The following TG variants were observed in gnomAD, a reference collection of about 807,000 sequenced individuals.
TG encodes the protein thyroglobulin, also known as thyroid hormones.
TG carries 270 observed loss-of-function variants against 324.7 expected under a neutral mutation model. The observed-to-expected ratio is 0.83, with a 90% CI of 0.75 to 0.92. TG has a LOEUF of 0.92. Among genes scored for constraint, TG ranks in the 40% least tolerant of loss-of-function variants. The probability of loss-of-function intolerance (pLI) is 0.00; values close to 1 mark genes in which losing one functional copy is unlikely to be tolerated. For synonymous variants in TG, 1,401 were observed against 1,327.0 expected, an observed-to-expected ratio of 1.06 and a Z score of -1.21; for missense variants, 3,591 against 3,456.4, an observed-to-expected ratio of 1.04 and a Z score of -0.98.
chr8:132,958,357 GTCTATCTATCTATCTA>G lies in TG; in HGVS notation c.5402-2631_5402-2616del, dbSNP rs34949600. 2.4e-3 allele frequency among the ~76,000 whole-genome samples: 361 copies of G among 151,332 alleles called. 1 individual carries two copies. The highest frequency in any genetic ancestry group is 6.8e-3 in the African/African-American group (280 of 41,162). On this transcript the variant is annotated intron_variant, in intron 27 of 47. Transcript: ENST00000220616. ...ATATGGCATATCTATCTATCTATCT[GTCTATCTATCTATCTA>G]TCTATCTATCTATCTATCTTTAAAG... is the stretch of plus-strand genomic sequence containing the variant.
chr8:133,082,731 C>T (rs747482175), intron 41 of TG, among the ~76,000 whole-genome samples: 19 of 152,322 alleles, frequency 1.2e-4, no homozygotes, highest in African/African-American at 3.4e-4. Context: ...CACAAAATGA[C>T]GGTAGGATCT....
intron 41 of TG, among the ~76,000 whole-genome samples, chr8:133,043,941 C>T (rs999416590): frequency 1.3e-5 from 2 of 152,190 alleles, no homozygotes; most frequent in African/African-American, 2.4e-5. Context: ...CAATGTTCCG[C>T]TGGGTAAAAG....
rs1475559081 is a variant in TG at position 133,022,076 on chromosome 8, T to C, written c.6962T>C (p.Phe2321Ser). 6.2e-7 allele frequency: 1 copy of C among 1,614,136 alleles called. No individual in the cohort carries two copies. Among genetic ancestry groups the C allele is most frequent in the Non-Finnish European group, 8.5e-7 (1 of 1,180,026 alleles). ...SEGWPAIDGS[F>S]LAAVGNLIVV... ...GGATGGCCGGCTATCGACGGCTCCT[T>C]CTTGGCTGCTGTTGGCAACCTCATC... The change falls in exon 40 of 48, where the codon TTC (phenylalanine) becomes TCC (serine). Residue 2321 changes from phenylalanine to serine, a missense_variant. By Grantham distance (155) the Phe-to-Ser change is radical. Transcript: ENST00000220616.
In TG at chr8:133,023,475, G is replaced by A. The variant is rs115354059; in HGVS notation, c.7036+1325G>A. On this transcript the variant is annotated intron_variant, in intron 40 of 47. Coordinates refer to ENST00000220616, the MANE Select transcript of TG (RefSeq NM_003235.5). ...CCCCACCCTCTTTCACATATATGTC[G>A]TGGTAAGAAGTGAATATGGTAACTG... 3.7e-3 allele frequency among the ~76,000 whole-genome samples: 561 copies of A among 152,218 alleles called. 6 individuals are homozygous for A. Among genetic ancestry groups the A allele is most frequent in the African/African-American group, 0.012 (496 of 41,532 alleles).
intron 41 of TG, among the ~76,000 whole-genome samples, chr8:133,081,658 C>G (rs898824444): frequency 6.6e-6 from 1 of 152,202 alleles, no homozygotes; most frequent in African/African-American, 2.4e-5. Context: ...TATGTTGATT[C>G]GTTCAAGCTG....
rs1229025933 is a variant in TG, at chr8:133,060,463, C to T, written c.7239+30440C>T. On this transcript the variant is annotated intron_variant, in intron 41 of 47. Transcript: ENST00000220616. ...GGTGGCAAAAGTTTCCATTCCTCCG[C>T]ACCCTTGCTGAGGATGGTAAGCAGC... 5.2e-6 allele frequency: 6 copies of T among 1,146,856 alleles called. No individual in the cohort carries two copies. The East Asian group carries it at 1.4e-4, about 27-fold the overall frequency. 71.0% of individuals were successfully genotyped at this position (1,146,856 alleles called of 1,614,324 possible).
At chr8:133,038,597 CT>C (rs1291977698) in intron 41 of TG, 1 of 1,614,164 alleles carries the variant, frequency 6.2e-7, no homozygotes, top group Non-Finnish European at 8.5e-7. Context: ...CAGGGAGATG[CT>C]TTTCTTCTTT....
In TG at chr8:132,966,601, G is replaced by A; in HGVS notation, c.5590G>A (p.Val1864Ile). The change falls in exon 30 of 48, where the codon GTC becomes ATC. Residue 1864 changes from valine (V) to isoleucine (I), a missense_variant. Transcript: ENST00000220616. ...ELFSPVDLNQ[V>I]IVNGNQSLSS... ...TTTCTCCCCTGTGGACCTCAACCAGGTCATTGTCAATGGAAATCAATCACT... is the reference window on the plus strand; with the variant it reads ...TTTCTCCCCTGTGGACCTCAACCAGATCATTGTCAATGGAAATCAATCACT... 2 of 1,614,000 alleles carry A rather than the reference G, an allele frequency of 1.2e-6. No homozygotes were observed. Among genetic ancestry groups the A allele is most frequent in the Non-Finnish European group, 1.7e-6 (2 of 1,180,000 alleles).
intron 34 of TG, among the ~76,000 whole-genome samples, chr8:132,974,486 T>C (rs2130582644): frequency 6.6e-6 from 1 of 152,306 alleles, no homozygotes; most frequent in South Asian, 2.1e-4. Context: ...GCGTAGAAAG[T>C]TGAATTGCTT....
chr8:132,881,733 A>G (rs2132121168), intron 5 of TG, 130 bp from the exon 6 acceptor site: 3 of 734,028 alleles, frequency 4.1e-6, no homozygotes, highest in Non-Finnish European at 7.5e-6. Flanking sequence ...AGCATGAAGC[A>G]ACTGTCATGT....
intron 13 of TG, 125 bp downstream of exon 13, chr8:132,898,371 GC>G: frequency 1.1e-6 from 1 of 945,696 alleles, no homozygotes; most frequent in Non-Finnish European, 1.7e-6. Context: ...CCCGGGTGCA[GC>G]CAGACGCATT....
At chr8:132,893,108 G>A (rs1816499386) in intron 10 of TG, among the ~76,000 whole-genome samples, 2 of 143,444 alleles carry the variant, frequency 1.4e-5, no homozygotes, top group African/African-American at 5.2e-5. Flanking sequence ...ATGTATGTGT[G>A]TGGTATATGT....
intron 43 of TG, among the ~76,000 whole-genome samples, chr8:133,104,479 TA>T (rs1849618385): frequency 6.6e-6 from 1 of 152,126 alleles, no homozygotes; most frequent in Admixed American, 6.5e-5. Context: ...ATGGTCACAG[TA>T]AAAAATGATC....
At chr8:132,937,079 G>C (rs1052418860) in intron 25 of TG, among the ~76,000 whole-genome samples, 1 of 152,176 alleles carries the variant, frequency 6.6e-6, no homozygotes, top group Non-Finnish European at 1.5e-5. Context: ...AAAGCTCAGC[G>C]AGTGTAGAAC....
At chr8:133,034,740 G>A (rs1362378695) in intron 41 of TG, among the ~76,000 whole-genome samples, 3 of 152,086 alleles carry the variant, frequency 2.0e-5, no homozygotes, top group Non-Finnish European at 2.9e-5. Context: ...GTTTCTTCTG[G>A]ATATTTCTCT....
chr8:132,867,038 C>G lies in TG; in HGVS notation c.38C>G (p.Ser13Cys), dbSNP rs753032118. Residue 13 changes from serine (S) to cysteine (C), a missense_variant, in exon 1 of 48, where the codon TCC (serine) becomes TGC (cysteine). Ser to Cys is a moderately radical substitution (Grantham distance 112, BLOSUM62 -1). Coordinates refer to ENST00000220616, the MANE Select transcript of TG (RefSeq NM_003235.5). ...LVLEIFTLLASICWVSANIFE... is the reference protein window; with the variant it reads ...LVLEIFTLLACICWVSANIFE... ...CTGGAGATCTTCACCCTGCTGGCCT[C>G]CATCTGCTGGGTGTCGGCCAATATC... The G allele has an allele frequency of 6.2e-7, 1 of 1,602,060 alleles. No individual in the cohort carries two copies. Among genetic ancestry groups the G allele is most frequent in the African/African-American group, 1.3e-5 (1 of 74,850 alleles).
chr8:133,064,102 T>A (rs901834819), intron 41 of TG: 7 of 152,254 alleles, frequency 4.6e-5, no homozygotes, highest in African/African-American at 1.7e-4. Context: ...GAATCGTAAC[T>A]GCTATTACCT....
chr8:133,038,467 A>G lies in TG; in HGVS notation c.7239+8444A>G, dbSNP rs1189973232. On this transcript the variant is annotated intron_variant, in intron 41 of 47. Transcript: ENST00000220616. Reference sequence around the variant, plus strand: ...GGAACCTCGCTTTTCGCAAGATCCCAGGCAATAGTTGGAACTTCTGTTCCT... The same window carrying G: ...GGAACCTCGCTTTTCGCAAGATCCCGGGCAATAGTTGGAACTTCTGTTCCT... The G allele has an allele frequency of 4.4e-6, 6 of 1,377,110 alleles. 1 individual carries two copies. The highest frequency in any genetic ancestry group is 3.5e-5 in the South Asian group (3 of 85,974). 85.3% of individuals were successfully genotyped at this position (1,377,110 alleles called of 1,614,324 possible). A position where few individuals can be genotyped will look rare whatever the true frequency, so the allele number is the denominator to read the frequency against.
chr8:132,986,476 T>G (rs1831570230), intron 35 of TG, among the ~76,000 whole-genome samples: 1 of 152,004 alleles, frequency 6.6e-6, no homozygotes. Context: ...CATGCAGGCA[T>G]GTATATACGT....
Sources: allele counts gnomAD v4.1 joint callset (sites outside exome capture counted in the v4.1 genomes callset), GRCh38; gene constraint gnomAD v4.1.1; transcripts MANE v1.5; gene names NCBI Gene and HGNC (gene_info 2026-07-23, HGNC 2026-07-21).